SNX29: variants seen among roughly 807,000 people sequenced by gnomAD.
SNX29 encodes sorting nexin 29.
Under a neutral mutation model 102.1 loss-of-function variants are expected in SNX29, and 78 were observed. That is an observed-to-expected ratio of 0.76 (90% CI 0.64 to 0.92). SNX29 has a LOEUF of 0.92. SNX29 is among the 40% of genes least tolerant of loss of function. The pLI is 0.00. For missense variants in SNX29, 1,280 were observed against 1,061.7 expected, an observed-to-expected ratio of 1.21 and a Z score of -2.86; for synonymous variants, 580 against 414.5, an observed-to-expected ratio of 1.40 and a Z score of -4.85.
chr16:12,280,563 G>C (rs1334369441), intron 15 of SNX29, among the ~76,000 whole-genome samples: 2 of 152,084 alleles, frequency 1.3e-5, no homozygotes, highest in Admixed American at 1.3e-4. Context: ...TAGAGATGCT[G>C]GCTGTGGTCA....
chr16:12,057,391 A>T (rs2050563650), intron 8 of SNX29, among the ~76,000 whole-genome samples: 2 of 152,144 alleles, frequency 1.3e-5, no homozygotes, highest in Admixed American at 6.6e-5. Context: ...TGTCTGTGGG[A>T]TGAATGAGGC....
At chr16:12,419,113 T>A (rs922996259) in intron 18 of SNX29, among the ~76,000 whole-genome samples, 4 of 152,190 alleles carry the variant, frequency 2.6e-5, no homozygotes, top group African/African-American at 9.7e-5. Context: ...TGAGAAACCC[T>A]TGTCTCTAGT....
intron 14 of SNX29, among the ~76,000 whole-genome samples, chr16:12,267,885 G>A (rs775066213): frequency 3.9e-5 from 6 of 152,102 alleles, no homozygotes; most frequent in Non-Finnish European, 8.8e-5. Context: ...AAATACCATA[G>A]CCTGCAAACC....
At chr16:12,230,065 A>C (rs1002094241) in intron 14 of SNX29, among the ~76,000 whole-genome samples, 1 of 152,240 alleles carries the variant, frequency 6.6e-6, no homozygotes, top group African/African-American at 2.4e-5. Context: ...TATGCCAATA[A>C]AACTTTATTT....
At position 12,166,902 on chromosome 16, in the gene SNX29, A is replaced by C. The variant is rs1343340332; in HGVS notation, c.1596-32699A>C. ...ATGCTTATTTTGCAAAGCAAAACTC[A>C]AGCCCTACTAGGAAGAAGAAAATGC... On this transcript the variant is annotated intron_variant, in intron 13 of 20. Coordinates refer to ENST00000566228, the MANE Select transcript of SNX29 (RefSeq NM_032167.5). Among the ~76,000 whole-genome samples, 3 of 152,336 alleles carry C rather than the reference A, an allele frequency of 2.0e-5. No homozygotes were observed. In the South Asian group the frequency reaches 6.2e-4, roughly 32 times the overall value.
intron 20 of SNX29, among the ~76,000 whole-genome samples, chr16:12,535,391 C>G (rs562837729): frequency 1.3e-5 from 2 of 152,340 alleles, no homozygotes; most frequent in East Asian, 1.9e-4. Context: ...CCATCTCGGC[C>G]TCCCAAAGTG....
chr16:12,543,582 G>C (rs1166577812), intron 20 of SNX29, among the ~76,000 whole-genome samples: 1 of 152,210 alleles, frequency 6.6e-6, no homozygotes, highest in African/African-American at 2.4e-5. Context: ...CTTCCGTGGT[G>C]CGTCCCAGTT....
intron 15 of SNX29, among the ~76,000 whole-genome samples, chr16:12,326,821 G>A (rs902405056): frequency 6.6e-6 from 1 of 152,214 alleles, no homozygotes; most frequent in African/African-American, 2.4e-5. Context: ...GGTAGGGCAT[G>A]GGCCACTGGG....
chr16:12,277,377 G>C (rs1354080318), intron 14 of SNX29, among the ~76,000 whole-genome samples: 1 of 152,048 alleles, frequency 6.6e-6, no homozygotes, highest in Non-Finnish European at 1.5e-5. Context: ...CTATACTCCA[G>C]CCTGGGTGAC....
intron 13 of SNX29, among the ~76,000 whole-genome samples, chr16:12,172,792 G>C: frequency 6.6e-6 from 1 of 152,182 alleles, no homozygotes; most frequent in Non-Finnish European, 1.5e-5. Flanking sequence ...GATTCAAAGA[G>C]GTAAAGTAAT....
At chr16:12,541,394 A>C (rs972636265) in intron 20 of SNX29, among the ~76,000 whole-genome samples, 2 of 152,178 alleles carry the variant, frequency 1.3e-5, no homozygotes, top group African/African-American at 4.8e-5. Flanking sequence ...GTGCAGGCTC[A>C]TTGTACAGAT....
intron 13 of SNX29, among the ~76,000 whole-genome samples, chr16:12,163,122 T>TA (rs1442381370): frequency 6.6e-6 from 1 of 152,206 alleles, no homozygotes; most frequent in Non-Finnish European, 1.5e-5. Flanking sequence ...CCTCAGGTGA[T>TA]ACGCCCACCT....
intron 11 of SNX29, among the ~76,000 whole-genome samples, chr16:12,101,652 G>A (rs1182899425): frequency 6.6e-6 from 1 of 152,118 alleles, no homozygotes; most frequent in East Asian, 1.9e-4. Context: ...CCAAAGTGCT[G>A]GGATTGCTGG....
chr16:12,555,069 G>A (rs940276426), intron 20 of SNX29, among the ~76,000 whole-genome samples: 1 of 152,008 alleles, frequency 6.6e-6, no homozygotes, highest in East Asian at 1.9e-4. Context: ...TTGGAGTTGT[G>A]GGGAGGTGGA....
chr16:12,239,159 G>A (rs2078025135), intron 14 of SNX29, among the ~76,000 whole-genome samples: 1 of 152,234 alleles, frequency 6.6e-6, no homozygotes, highest in Admixed American at 6.5e-5. Flanking sequence ...CTTCTGTGAT[G>A]AAGGAAGAAG....
At chr16:12,472,347 C>T (rs1353838190) in intron 18 of SNX29, among the ~76,000 whole-genome samples, 1 of 151,856 alleles carries the variant, frequency 6.6e-6, no homozygotes, top group African/African-American at 2.4e-5. Context: ...ATGGTGAAAC[C>T]CCGTCTCTAC....
Position 12,061,545 on chromosome 16 carries a change from C to G in SNX29, c.1142C>G (p.Thr381Ser). 1 of 1,606,120 alleles carries G rather than the reference C, an allele frequency of 6.2e-7. No homozygotes were observed. ...ESPEKPLEGN[T>S]CLSQMHSWAP... ...CACCTTAGGCCACTGGAAGGGAACA[C>G]CTGCCTCTCCCAGATGCACAGCTGG... Residue 381 changes from threonine to serine, a missense_variant, in exon 9 of 21, where the codon ACC (threonine) becomes AGC (serine). Transcript: ENST00000566228.
At chr16:12,233,128 T>C (rs1258448284) in intron 14 of SNX29, among the ~76,000 whole-genome samples, 3 of 152,022 alleles carry the variant, frequency 2.0e-5, no homozygotes, top group Admixed American at 6.6e-5. Context: ...CTCCTCCTCC[T>C]CCCCCTATTC....
At chr16:12,025,006 A>G (rs552656870) in intron 3 of SNX29, among the ~76,000 whole-genome samples, 103 of 152,136 alleles carry the variant, frequency 6.8e-4, no homozygotes, top group African/African-American at 2.2e-3. Context: ...AAGCCTTAAA[A>G]TATGTGCTTA....
Sources: gnomAD v4.1 joint callset for allele counts (sites outside exome capture counted in the v4.1 genomes callset) on GRCh38, gnomAD v4.1.1 for gene constraint, MANE v1.5 for transcripts, NCBI Gene and HGNC (gene_info 2026-07-23, HGNC 2026-07-21) for gene names.